The following ARHGAP6 variants were observed in gnomAD, a reference collection of about 807,000 sequenced individuals.
ARHGAP6 encodes the protein rho GTPase-activating protein 6.
In ARHGAP6, 16 loss-of-function variants were observed where a neutral mutation model predicts 55.7. The ratio of observed to expected loss-of-function variants is 0.29; its 90% CI spans 0.19 to 0.44. The LOEUF (loss-of-function observed/expected upper bound fraction) is 0.44. Ranked by LOEUF, ARHGAP6 falls within the 20% of genes least tolerant of loss-of-function variation. ARHGAP6 has a pLI of 1.00. For synonymous variants in ARHGAP6, 382 were observed against 360.9 expected (o/e 1.06, Z -0.66); for missense variants, 698 against 808.9 (o/e 0.86, Z 1.66).
intron 1 of ARHGAP6, among the ~76,000 whole-genome samples, chrX:11,280,544 T>C (rs1183383777): frequency 1.8e-5 from 2 of 110,223 alleles, no homozygotes; most frequent in African/African-American, 6.6e-5. Context: ...CAAAGGGGTG[T>C]ATCCACAATA....
intron 1 of ARHGAP6, among the ~76,000 whole-genome samples, chrX:11,319,953 A>C (rs771624489): frequency 8.9e-6 from 1 of 111,909 alleles, no homozygotes; most frequent in African/African-American, 3.2e-5. Context: ...GCTGGGGGGG[A>C]AAATATCACA....
At chrX:11,249,549 T>C (rs890637862) in intron 2 of ARHGAP6, among the ~76,000 whole-genome samples, 8 of 111,475 alleles carry the variant, frequency 7.2e-5, no homozygotes, top group African/African-American at 2.6e-4. Context: ...TCATCCAACT[T>C]TTGGAGCCAT....
chrX:11,522,863 G>A (rs1200995798), intron 1 of ARHGAP6, among the ~76,000 whole-genome samples: 1 of 111,705 alleles, frequency 9.0e-6, no homozygotes, highest in East Asian at 2.8e-4. Context: ...GAAAAACAGG[G>A]AATCCTCCCT....
chrX:11,243,188 G>A lies in ARHGAP6; in HGVS notation c.748+11360C>T, dbSNP rs141588892. On this transcript the variant is annotated intron_variant, in intron 2 of 12. Coordinates refer to ENST00000337414, the MANE Select transcript of ARHGAP6 (RefSeq NM_013427.3). ...TGGCAGAAGATGACAATGTTCTTCC[G>A]TATACCAGTAGTTTTTAATCTAAAT... 4.2e-3 allele frequency among the ~76,000 whole-genome samples: 466 copies of A among 111,647 alleles called. 5 individuals are homozygous for A. Among genetic ancestry groups the A allele is most frequent in the African/African-American group, 0.014 (440 of 30,736 alleles).
At chrX:11,664,122 C>T in intron 1 of ARHGAP6, 119 bp downstream of exon 1, 3 of 726,916 alleles carry the variant, frequency 4.1e-6, no homozygotes, top group Non-Finnish European at 5.9e-6. Flanking sequence ...AAAACCCACA[C>T]CACGGAAACC....
At chrX:11,342,137 A>G (rs1453708541) in intron 1 of ARHGAP6, among the ~76,000 whole-genome samples, 2 of 112,283 alleles carry the variant, frequency 1.8e-5, no homozygotes, top group Non-Finnish European at 3.8e-5. Context: ...GTAATGCCAT[A>G]GCAACCTCTC....
intron 4 of ARHGAP6, among the ~76,000 whole-genome samples, 186 bp from the exon 5 acceptor site, chrX:11,186,617 A>G (rs1171591886): frequency 8.9e-6 from 1 of 112,302 alleles, no homozygotes; most frequent in African/African-American, 3.2e-5. Flanking sequence ...AAAAGTTAGA[A>G]AACCTCTACA....
At chrX:11,315,768 T>C (rs997057908) in intron 1 of ARHGAP6, among the ~76,000 whole-genome samples, 1 of 112,365 alleles carries the variant, frequency 8.9e-6, no homozygotes, top group African/African-American at 3.2e-5. Flanking sequence ...TGTAACATAA[T>C]GTTGGAATTC....
intron 1 of ARHGAP6, among the ~76,000 whole-genome samples, chrX:11,568,698 A>G (rs1419380084): frequency 9.2e-6 from 1 of 108,144 alleles, no homozygotes; most frequent in East Asian, 2.9e-4. Flanking sequence ...TAGAGGTTGC[A>G]GTGAGCTGAG....
chrX:11,395,647 T>C (rs2049468059), intron 1 of ARHGAP6, among the ~76,000 whole-genome samples: 1 of 112,266 alleles, frequency 8.9e-6, no homozygotes. Flanking sequence ...AGTGAAAATA[T>C]AAGACAGGCC....
intron 1 of ARHGAP6, among the ~76,000 whole-genome samples, chrX:11,484,738 A>C (rs1476865756): frequency 8.9e-6 from 1 of 112,152 alleles, no homozygotes; most frequent in Non-Finnish European, 1.9e-5. Context: ...AAAAAGCTAA[A>C]ATTTACTGGC....
chrX:11,510,174 G>A (rs898650005), intron 1 of ARHGAP6, among the ~76,000 whole-genome samples: 2 of 111,770 alleles, frequency 1.8e-5, no homozygotes, highest in Non-Finnish European at 3.8e-5. Context: ...ACTAAGAGAA[G>A]TACTCATAGG....
At chrX:11,608,780 A>G (rs760344194) in intron 1 of ARHGAP6, among the ~76,000 whole-genome samples, 19 of 111,083 alleles carry the variant, frequency 1.7e-4, no homozygotes, top group Non-Finnish European at 2.8e-4. Flanking sequence ...CATCTTCCTC[A>G]TTTGCTCTTG....
intron 1 of ARHGAP6, among the ~76,000 whole-genome samples, chrX:11,611,185 T>C (rs2052097547): frequency 8.9e-6 from 1 of 112,650 alleles, no homozygotes; most frequent in South Asian, 3.7e-4. Context: ...TTTAATCAGA[T>C]TGTTTTCATA....
In ARHGAP6 at chrX:11,252,517, C is replaced by T. The variant is rs765177371; in HGVS notation, c.748+2031G>A. On this transcript the variant is annotated intron_variant, in intron 2 of 12. Transcript: ENST00000337414. ...GCGTTTCTCAAGGATAAGAGCGACA[C>T]GGCCTGACAGTCACTAGTATTCATT... Among the ~76,000 whole-genome samples, 7 of 112,244 alleles carry T rather than the reference C, an allele frequency of 6.2e-5. No homozygotes were observed. The South Asian group carries it at 2.2e-3, about 36-fold the overall frequency.
At chrX:11,452,822 G>A (rs1032377169) in intron 1 of ARHGAP6, among the ~76,000 whole-genome samples, 1 of 111,050 alleles carries the variant, frequency 9.0e-6, no homozygotes, top group African/African-American at 3.3e-5. Flanking sequence ...TTGTCCAAGG[G>A]CAGAAAGCTC....
intron 1 of ARHGAP6, among the ~76,000 whole-genome samples, chrX:11,595,320 A>C (rs1175606756): frequency 2.7e-5 from 3 of 110,254 alleles, no homozygotes; most frequent in Non-Finnish European, 5.7e-5. Flanking sequence ...AGAAGGATCA[A>C]AAAGAAAAGA....
chrX:11,590,160 G>A (rs111745163), intron 1 of ARHGAP6, among the ~76,000 whole-genome samples: 2,206 of 111,612 alleles, frequency 0.02, 31 homozygotes, highest in Middle Eastern at 0.064. Context: ...CAGCAATGGC[G>A]TGTATATGGA....
At position 11,186,401 on chromosome X, in the gene ARHGAP6, G is replaced by A; in HGVS notation, c.1108C>T (p.Leu370Phe). 8.3e-7 allele frequency: 1 copy of A among 1,210,952 alleles called. No individual in the cohort carries two copies. Among genetic ancestry groups the A allele is most frequent in the Non-Finnish European group, 1.1e-6 (1 of 895,121 alleles). The change falls in exon 5 of 13, where the codon CTT becomes TTT. Residue 370 changes from leucine (L) to phenylalanine (F), a missense_variant. Physicochemically the swap from Leu to Phe is conservative, Grantham distance 22. Coordinates refer to ENST00000337414, the MANE Select transcript of ARHGAP6 (RefSeq NM_013427.3). The stretch of plus-strand genomic sequence containing the variant: ...AGTAGTCGAGACTGATTGTCATCAA[G>A]ATCGGTGATAGAATCCACTGACATG... The part of the protein sequence containing the change: ...GAMSVDSITD[L>F]DDNQSRLLEA...
Sources: gnomAD v4.1 joint callset for allele counts (sites outside exome capture counted in the v4.1 genomes callset) on GRCh38, gnomAD v4.1.1 for gene constraint, MANE v1.5 for transcripts, NCBI Gene and HGNC (gene_info 2026-07-23, HGNC 2026-07-21) for gene names.